Variants in FMNL2 observed in about 807,000 individuals in gnomAD.
The protein encoded by FMNL2 is formin-like protein 2.
A neutral mutation model predicts 130.2 loss-of-function variants in FMNL2; 51 were observed. The ratio of observed to expected loss-of-function variants is 0.39; its 90% confidence interval spans 0.31 to 0.49. The LOEUF (loss-of-function observed/expected upper bound fraction) is 0.49, where lower values mean the gene tolerates loss of function less well. Among genes scored for constraint, FMNL2 ranks in the 20% least tolerant of loss-of-function variants. The probability of loss-of-function intolerance (pLI) is 0.85; values close to 1 mark genes in which losing one functional copy is unlikely to be tolerated. For synonymous variants in FMNL2, 465 were observed against 467.1 expected, an observed-to-expected ratio of 1.00 and a Z score of 0.06; for missense variants, 977 against 1,316.2, an observed-to-expected ratio of 0.74 and a Z score of 3.99.
At chr2:152,528,735 A>G (rs1693533146) in intron 2 of FMNL2, among the ~76,000 whole-genome samples, 1 of 152,148 alleles carries the variant, frequency 6.6e-6, no homozygotes. Context: ...TCAACCCACT[A>G]CAGACACTAA....
intron 9 of FMNL2, among the ~76,000 whole-genome samples, chr2:152,584,441 T>C (rs1696954755): frequency 6.6e-6 from 1 of 152,242 alleles, no homozygotes; most frequent in Admixed American, 6.5e-5. Context: ...GGATTATCTT[T>C]GTTTTTATTG....
chr2:152,353,066 AT>A (rs1195803507), intron 1 of FMNL2, among the ~76,000 whole-genome samples: 1 of 152,136 alleles, frequency 6.6e-6, no homozygotes, highest in Admixed American at 6.5e-5. Flanking sequence ...GGTGAATTTT[AT>A]TTTCCCTTTT....
chr2:152,389,983 C>A, intron 1 of FMNL2: 1 of 1,438,722 alleles, frequency 7.0e-7, no homozygotes, highest in Non-Finnish European at 9.7e-7. Flanking sequence ...GGCAGACAGG[C>A]AGAGAGGCTG....
chr2:152,436,112 C>G (rs1687749292), intron 1 of FMNL2, among the ~76,000 whole-genome samples: 1 of 152,040 alleles, frequency 6.6e-6, no homozygotes, highest in South Asian at 2.1e-4. Flanking sequence ...GTATTGCAAT[C>G]CCGTGCTTGA....
At chr2:152,482,282 G>A (rs1440552474) in intron 1 of FMNL2, among the ~76,000 whole-genome samples, 1 of 152,142 alleles carries the variant, frequency 6.6e-6, no homozygotes, top group Non-Finnish European at 1.5e-5. Context: ...TTTTTTAGAA[G>A]AGGGGATTTT....
At chr2:152,402,265 A>G (rs143168188) in intron 1 of FMNL2, among the ~76,000 whole-genome samples, 5 of 152,298 alleles carry the variant, frequency 3.3e-5, no homozygotes, top group African/African-American at 1.2e-4. Flanking sequence ...TAGTGGTGAA[A>G]CATGAAGGTA....
intron 1 of FMNL2, among the ~76,000 whole-genome samples, chr2:152,434,535 G>A (rs887265907): frequency 3.3e-5 from 5 of 152,120 alleles, no homozygotes; most frequent in African/African-American, 1.2e-4. Flanking sequence ...ATCCCAGCTG[G>A]CCCCTGATTT....
At chr2:152,511,062 T>G (rs904044108) in intron 1 of FMNL2, among the ~76,000 whole-genome samples, 4 of 152,200 alleles carry the variant, frequency 2.6e-5, no homozygotes, top group African/African-American at 9.6e-5. Flanking sequence ...CCTTTGTATA[T>G]ATACCTCATT....
intron 1 of FMNL2, among the ~76,000 whole-genome samples, chr2:152,491,503 T>G (rs1292631088): frequency 6.6e-6 from 1 of 152,222 alleles, no homozygotes; most frequent in Non-Finnish European, 1.5e-5. Context: ...AGAAATAAGC[T>G]TAGCTAAATT....
At chr2:152,541,972 C>T (rs888102067) in intron 2 of FMNL2, among the ~76,000 whole-genome samples, 11 of 152,104 alleles carry the variant, frequency 7.2e-5, no homozygotes, top group Non-Finnish European at 1.3e-4. Flanking sequence ...ACCTGATACA[C>T]GTGGCATGAA....
intron 1 of FMNL2, among the ~76,000 whole-genome samples, chr2:152,512,129 C>G (rs1418529359): frequency 6.6e-6 from 1 of 152,126 alleles, no homozygotes; most frequent in Admixed American, 6.6e-5. Context: ...TCTTGTGTAA[C>G]TCCCTCATTC....
intron 6 of FMNL2, among the ~76,000 whole-genome samples, chr2:152,570,954 G>A (rs917148211): frequency 6.6e-5 from 10 of 152,194 alleles, no homozygotes; most frequent in African/African-American, 1.7e-4. Context: ...TTAAAGTCTT[G>A]CAGTAACCCA....
chr2:152,646,987 A>T (rs1203018296), intron 25 of FMNL2, among the ~76,000 whole-genome samples: 2 of 152,176 alleles, frequency 1.3e-5, no homozygotes, highest in East Asian at 3.9e-4. Flanking sequence ...TTGGACTGGT[A>T]TGCAGTGATT....
At chr2:152,528,952 C>T (rs928736525) in intron 2 of FMNL2, among the ~76,000 whole-genome samples, 1 of 152,056 alleles carries the variant, frequency 6.6e-6, no homozygotes, top group African/African-American at 2.4e-5. Context: ...GTGGGCCAGG[C>T]CTGGAATTGG....
At position 152,560,999 on chromosome 2, in the gene FMNL2, A is replaced by G. The variant is rs775357491; in HGVS notation, c.560A>G (p.Asn187Ser). 1.9e-6 allele frequency: 3 copies of G among 1,604,204 alleles called. No individual in the cohort carries two copies. The highest frequency in any genetic ancestry group is 4.5e-5 in the East Asian group (2 of 44,410). Reference protein sequence around the residue: ...RGSNLPSPVGNSVSRSGRHSA... With the variant: ...RGSNLPSPVGSSVSRSGRHSA... The stretch of plus-strand genomic sequence containing the variant: ...AGCAACCTGCCCTCACCTGTGGGCA[A>G]CAGTGTCTCCCGCTCTGGAAGACAT... The change falls in exon 6 of 26, where the codon AAC becomes AGC. Residue 187 changes from asparagine to serine, a missense_variant. Transcript: ENST00000288670.
chr2:152,466,648 C>G (rs1689558777), intron 1 of FMNL2, among the ~76,000 whole-genome samples: 1 of 152,172 alleles, frequency 6.6e-6, no homozygotes, highest in Admixed American at 6.5e-5. Flanking sequence ...CACTGGACTT[C>G]CTTTGTCTTC....
intron 1 of FMNL2, among the ~76,000 whole-genome samples, chr2:152,387,408 G>A (rs1000024772): frequency 4.4e-4 from 67 of 152,178 alleles, no homozygotes; most frequent in Non-Finnish European, 1.6e-4. Context: ...GACTTGTTGA[G>A]TACGGAGTGT....
chr2:152,349,024 A>G (rs1462783535), intron 1 of FMNL2, among the ~76,000 whole-genome samples: 1 of 144,046 alleles, frequency 6.9e-6, no homozygotes, highest in Non-Finnish European at 1.5e-5. Context: ...TTTAGTAGAG[A>G]CGGGGTTTCA....
chr2:152,614,741 T>TCAAAACAAAACAAAACAAAA (rs70974877), intron 11 of FMNL2, 110 bp from the exon 12 acceptor site: 82,009 of 1,021,120 alleles, frequency 0.08, 5,080 homozygotes, highest in Admixed American at 0.19. Context: ...AAACTCCATC[T>TCAAAACAAAACAAAACAAAA]CAAAACAAAA....
Sources: gnomAD v4.1 joint callset for allele counts (sites outside exome capture counted in the v4.1 genomes callset) on GRCh38, gnomAD v4.1.1 for gene constraint, MANE v1.5 for transcripts, NCBI Gene and HGNC (gene_info 2026-07-23, HGNC 2026-07-21) for gene names.